The following RHOBTB1 variants were observed in gnomAD, a reference collection of about 807,000 sequenced individuals.
RHOBTB1 encodes rho-related BTB domain-containing protein 1.
RHOBTB1 carries 40 observed loss-of-function variants against 71.6 expected under a neutral mutation model. That is an observed-to-expected ratio of 0.56 (90% CI 0.43 to 0.73). The LOEUF (loss-of-function observed/expected upper bound fraction) is 0.73, where lower values mean the gene tolerates loss of function less well. RHOBTB1 is among the 30% of genes least tolerant of loss of function. The probability of loss-of-function intolerance (pLI) is 0.00; values close to 1 mark genes in which losing one functional copy is unlikely to be tolerated. For synonymous variants in RHOBTB1, 319 were observed against 334.9 expected, an observed-to-expected ratio of 0.95 and a Z score of 0.52; for missense variants, 797 against 894.0, an observed-to-expected ratio of 0.89 and a Z score of 1.38.
intron 2 of RHOBTB1, among the ~76,000 whole-genome samples, chr10:60,949,365 G>C (rs545339163): frequency 8.2e-4 from 125 of 152,290 alleles, no homozygotes; most frequent in African/African-American, 2.7e-3. Context: ...GTCTTTGAAA[G>C]AATCTGTGTG....
chr10:60,958,736 G>A (rs2085679964), intron 2 of RHOBTB1, among the ~76,000 whole-genome samples: 1 of 152,018 alleles, frequency 6.6e-6, no homozygotes, highest in East Asian at 1.9e-4. Context: ...GAGTAGCTGG[G>A]ATTACAGGTG....
At chr10:60,885,120 G>C (rs900076826) in intron 7 of RHOBTB1, among the ~76,000 whole-genome samples, 1 of 150,118 alleles carries the variant, frequency 6.7e-6, no homozygotes, top group African/African-American at 2.5e-5. Context: ...ACAGTATGGT[G>C]ACTATGGTGG....
chr10:60,862,542 C>CTTTCTTTTTTCTTTCTTTCTTCTTTCTTT, the RHOBTB1 span, among the ~76,000 whole-genome samples: 1 of 150,048 alleles, frequency 6.7e-6, no homozygotes, highest in Non-Finnish European at 1.5e-5. Flanking sequence ...CTTTCTCTTT[C>CTTTCTTTTTTCTTTCTTTCTTCTTTCTTT]TTTCTTTCTT....
chr10:60,907,779 T>G (rs866771701), intron 4 of RHOBTB1, among the ~76,000 whole-genome samples: 1 of 152,134 alleles, frequency 6.6e-6, no homozygotes, highest in South Asian at 2.1e-4. Flanking sequence ...AGCTCACCAA[T>G]GTAGGGTCCC....
intron 1 of RHOBTB1, among the ~76,000 whole-genome samples, chr10:60,997,241 G>C (rs2087088536): frequency 6.6e-6 from 1 of 152,042 alleles, no homozygotes; most frequent in Non-Finnish European, 1.5e-5. Flanking sequence ...AAGAATCTGG[G>C]GAAATTAAAA....
intron 7 of RHOBTB1, 85 bp from the exon 8 acceptor site, chr10:60,878,143 T>A: frequency 9.3e-7 from 1 of 1,075,224 alleles, no homozygotes; most frequent in African/African-American, 1.6e-5. Flanking sequence ...ATAAATATCC[T>A]GTGTGACTTG....
At chr10:60,995,881 ACTTGC>A (rs1436576572) in intron 1 of RHOBTB1, among the ~76,000 whole-genome samples, 1 of 152,116 alleles carries the variant, frequency 6.6e-6, no homozygotes, top group African/African-American at 2.4e-5. Context: ...GGTTGCTGAG[ACTTGC>A]CTTTCTTGAA....
At chr10:60,939,409 C>T (rs1010946015) in intron 2 of RHOBTB1, among the ~76,000 whole-genome samples, 1 of 152,154 alleles carries the variant, frequency 6.6e-6, no homozygotes, top group Non-Finnish European at 1.5e-5. Flanking sequence ...AATTATGATG[C>T]TAACAAATAA....
chr10:60,989,039 A>G (rs1327787738), intron 1 of RHOBTB1, among the ~76,000 whole-genome samples: 2 of 152,238 alleles, frequency 1.3e-5, no homozygotes, highest in Non-Finnish European at 2.9e-5. Context: ...TAAAAATTAT[A>G]GGAGATTAAA....
intron 2 of RHOBTB1, among the ~76,000 whole-genome samples, chr10:60,961,407 C>T (rs555687612): frequency 2.6e-5 from 4 of 152,164 alleles, no homozygotes; most frequent in South Asian, 4.2e-4. Flanking sequence ...CAAATAACAC[C>T]GGTGCATTAA....
At chr10:60,875,755 T>A (rs563814659) in intron 8 of RHOBTB1, among the ~76,000 whole-genome samples, 39 of 152,316 alleles carry the variant, frequency 2.6e-4, no homozygotes, top group Admixed American at 2.2e-3. Context: ...GTAACAAAAA[T>A]GCAGTAGGAA....
chr10:60,978,719 A>G (rs1253691967), intron 2 of RHOBTB1, among the ~76,000 whole-genome samples: 1 of 152,188 alleles, frequency 6.6e-6, no homozygotes, highest in African/African-American at 2.4e-5. Context: ...GCAACATAGA[A>G]CATAGTTCCT....
chr10:60,885,285 A>G (rs1334318789), intron 7 of RHOBTB1, among the ~76,000 whole-genome samples: 2 of 152,214 alleles, frequency 1.3e-5, no homozygotes, highest in African/African-American at 4.8e-5. Context: ...GTACCCCATA[A>G]CTATGTATAA....
chr10:60,977,955 A>G (rs1480458940), intron 2 of RHOBTB1, among the ~76,000 whole-genome samples: 3 of 152,148 alleles, frequency 2.0e-5, no homozygotes, highest in Non-Finnish European at 4.4e-5. Context: ...ATGCACAGGA[A>G]AGAAATAGAT....
chr10:60,883,009 A>G (rs1391252983), intron 7 of RHOBTB1, among the ~76,000 whole-genome samples: 1 of 152,090 alleles, frequency 6.6e-6, no homozygotes, highest in African/African-American at 2.4e-5. Context: ...TCCCCATTTT[A>G]CAGATGAGGA....
intron 2 of RHOBTB1, among the ~76,000 whole-genome samples, chr10:60,984,933 A>T (rs937848651): frequency 1.3e-5 from 2 of 152,304 alleles, no homozygotes; most frequent in Non-Finnish European, 2.9e-5. Context: ...AAATGTTCAT[A>T]TGATTTATTA....
chr10:60,932,880 G>C (rs1254752282), intron 2 of RHOBTB1, among the ~76,000 whole-genome samples: 3 of 152,184 alleles, frequency 2.0e-5, no homozygotes, highest in African/African-American at 4.8e-5. Flanking sequence ...ACCTTCTGTA[G>C]TAAGTTACTC....
chr10:60,899,829 G>A (rs1299911156), intron 4 of RHOBTB1, among the ~76,000 whole-genome samples: 1 of 152,152 alleles, frequency 6.6e-6, no homozygotes, highest in African/African-American at 2.4e-5. Context: ...AATAGGTAGT[G>A]CTAAGTGCCA....
intron 4 of RHOBTB1, among the ~76,000 whole-genome samples, chr10:60,894,658 T>C (rs535635804): frequency 7.1e-4 from 108 of 152,296 alleles, no homozygotes; most frequent in South Asian, 1.9e-3. Context: ...TGCTATAAGC[T>C]TCATCCTGAA....
Sources: gnomAD v4.1 joint callset for allele counts (sites outside exome capture counted in the v4.1 genomes callset) on GRCh38, gnomAD v4.1.1 for gene constraint, MANE v1.5 for transcripts, NCBI Gene and HGNC (gene_info 2026-07-23, HGNC 2026-07-21) for gene names.